The following ST8SIA2 variants were observed in gnomAD, a reference collection of about 807,000 sequenced individuals.
ST8SIA2 encodes the protein ST8 alpha-N-acetyl-neuraminide alpha-2,8-sialyltransferase 2.
Under a neutral mutation model 37.6 loss-of-function variants are expected in ST8SIA2, and 22 were observed. That is an observed-to-expected ratio of 0.58 (90% CI 0.42 to 0.83). The LOEUF (loss-of-function observed/expected upper bound fraction) is 0.83, where lower values mean the gene tolerates loss of function less well. Among genes scored for constraint, ST8SIA2 ranks in the 40% least tolerant of loss-of-function variants. ST8SIA2 has a pLI of 0.00. For missense variants in ST8SIA2, 382 were observed against 484.7 expected (o/e 0.79, Z 1.99); for synonymous variants, 205 against 201.2 (o/e 1.02, Z -0.16).
In ST8SIA2 at chr15:92,394,119, T is replaced by A; in HGVS notation, c.55T>A (p.Phe19Ile). The A allele has an allele frequency of 6.4e-7, 1 of 1,560,662 alleles. No homozygotes were observed. The highest frequency in any genetic ancestry group is 8.7e-7 in the Non-Finnish European group (1 of 1,151,316). The change falls in exon 1 of 6, where the codon TTC (phenylalanine) becomes ATC (isoleucine). Residue 19 changes from phenylalanine (F) to isoleucine (I), a missense_variant. Phe to Ile is a conservative substitution (Grantham distance 21). Coordinates refer to ENST00000268164, the MANE Select transcript of ST8SIA2 (RefSeq NM_006011.4). ...GGCCGCGCTCACGCTGCTCGTGGTC[T>A]TCCTCATCTTCGCAGACATCTCAGA... ...MLAALTLLVVFLIFADISEIE... is the reference protein window; with the variant it reads ...MLAALTLLVVILIFADISEIE...
At chr15:92,412,643 T>G (rs1356234246) in intron 1 of ST8SIA2, among the ~76,000 whole-genome samples, 2 of 152,022 alleles carry the variant, frequency 1.3e-5, no homozygotes, top group African/African-American at 2.4e-5. Flanking sequence ...TGCCTCTGTG[T>G]TTTTGTTTTT....
intron 3 of ST8SIA2, among the ~76,000 whole-genome samples, chr15:92,436,035 G>A (rs374968452): frequency 2.1e-5 from 3 of 145,000 alleles, no homozygotes; most frequent in African/African-American, 7.5e-5. Flanking sequence ...ATCTTCACGT[G>A]GCCCTCTCCT....
chr15:92,430,507 C>T (rs142883078), intron 2 of ST8SIA2, among the ~76,000 whole-genome samples: 1 of 152,330 alleles, frequency 6.6e-6, no homozygotes, highest in African/African-American at 2.4e-5. Flanking sequence ...GAAAATAAAG[C>T]ATTCGGGAAC....
At chr15:92,450,573 C>G (rs1256502639) in intron 5 of ST8SIA2, among the ~76,000 whole-genome samples, 1 of 152,160 alleles carries the variant, frequency 6.6e-6, no homozygotes, top group Non-Finnish European at 1.5e-5. Context: ...AGGCGTCTCA[C>G]ATGGCAGGAG....
At chr15:92,420,856 G>A (rs2049628417) in intron 1 of ST8SIA2, 1 of 152,260 alleles carries the variant, frequency 6.6e-6, no homozygotes, top group Admixed American at 6.5e-5. Flanking sequence ...CAGTATCTAT[G>A]AGGTTCAAGA....
Position 92,394,005 on chromosome 15 carries a change from G to T in ST8SIA2, c.-60G>T, listed in dbSNP as rs2049409702. 5.2e-6 allele frequency: 7 copies of T among 1,350,610 alleles called. No homozygotes were observed. The highest frequency in any genetic ancestry group is 7.0e-6 in the Non-Finnish European group (7 of 1,001,558). 83.7% of individuals were successfully genotyped at this position (1,350,610 alleles called of 1,614,324 possible). On this transcript the variant is annotated 5_prime_UTR_variant, in exon 1 of 6. Transcript: ENST00000268164. ...CGGAGGCTCCGGCGTCCGCCGCTGC[G>T]CCCTCCGGCCCCTGCTCCTCGCGCC...
At chr15:92,448,728 AG>A (rs1490387310) in intron 5 of ST8SIA2, among the ~76,000 whole-genome samples, 1 of 152,212 alleles carries the variant, frequency 6.6e-6, no homozygotes, top group Non-Finnish European at 1.5e-5. Flanking sequence ...TGGACTCAAG[AG>A]TTCCAGAGGC....
At chr15:92,410,544 C>A (rs1263350576) in intron 1 of ST8SIA2, among the ~76,000 whole-genome samples, 1 of 152,140 alleles carries the variant, frequency 6.6e-6, no homozygotes, top group Non-Finnish European at 1.5e-5. Context: ...ATCCTGTATA[C>A]CGAGTTTTAG....
At chr15:92,435,606 C>G (rs1009555745) in intron 3 of ST8SIA2, among the ~76,000 whole-genome samples, 56 of 152,224 alleles carry the variant, frequency 3.7e-4, no homozygotes, top group African/African-American at 1.3e-3. Context: ...GCCTCTGCAC[C>G]CTAGTTCTTG....
chr15:92,463,618 C>T (rs1190119328), intron 5 of ST8SIA2, among the ~76,000 whole-genome samples: 1 of 152,240 alleles, frequency 6.6e-6, no homozygotes, highest in African/African-American at 2.4e-5. Context: ...TGGCCACACC[C>T]ATGTGTGTTG....
At chr15:92,448,503 T>A (rs1255198216) in intron 5 of ST8SIA2, among the ~76,000 whole-genome samples, 1 of 152,240 alleles carries the variant, frequency 6.6e-6, no homozygotes, top group African/African-American at 2.4e-5. Context: ...CAAGAGGCAC[T>A]GTGGCCTAGC....
intron 5 of ST8SIA2, among the ~76,000 whole-genome samples, chr15:92,449,066 T>C (rs538925050): frequency 1.3e-5 from 2 of 152,290 alleles, no homozygotes; most frequent in African/African-American, 4.8e-5. Context: ...GTTTGTTACC[T>C]GGGTATATTG....
intron 1 of ST8SIA2, among the ~76,000 whole-genome samples, chr15:92,410,412 T>C (rs894940974): frequency 9.8e-5 from 15 of 152,286 alleles, no homozygotes; most frequent in Middle Eastern, 3.4e-3. Flanking sequence ...CATTTTCACA[T>C]CTCAATGGAA....
chr15:92,418,254 C>T (rs2049602336), intron 1 of ST8SIA2, among the ~76,000 whole-genome samples: 1 of 151,708 alleles, frequency 6.6e-6, no homozygotes. Context: ...AGGAGATCAA[C>T]ACCAACCTGA....
Position 92,464,081 on chromosome 15 carries a change from T to C in ST8SIA2, c.843-19T>C, listed in dbSNP as rs1255001751. On this transcript the variant is annotated intron_variant, in intron 5 of 5. Transcript: ENST00000268164. Reference sequence around the variant, plus strand: ...GACCCATGTTTCTTTTCTTTTTTTTTTTTTTTTTTTTTTTCCAGATACTGG... The same window carrying C: ...GACCCATGTTTCTTTTCTTTTTTTTCTTTTTTTTTTTTTTCCAGATACTGG... 1.3e-6 allele frequency: 2 copies of C among 1,504,706 alleles called. No individual in the cohort carries two copies. Among genetic ancestry groups the C allele is most frequent in the Non-Finnish European group, 8.8e-7 (1 of 1,136,116 alleles). The allele number at this position is 1,504,706 out of a possible 1,614,324, so 93.2% of individuals were successfully genotyped here.
chr15:92,398,969 G>A (rs1003064428), intron 1 of ST8SIA2, among the ~76,000 whole-genome samples: 1 of 152,186 alleles, frequency 6.6e-6, no homozygotes, highest in Non-Finnish European at 1.5e-5. Flanking sequence ...TGAATGAGGA[G>A]GACCAGAGGA....
At chr15:92,438,216 A>T in intron 3 of ST8SIA2, 137 bp from the exon 4 acceptor site, 1 of 1,303,208 alleles carries the variant, frequency 7.7e-7, no homozygotes, top group Non-Finnish European at 1.1e-6. Flanking sequence ...TCTCGAGGGC[A>T]TCTGAACTCT....
At chr15:92,421,060 ACTAGAAGTGCTGCTTGCTGT>A (rs2049629936) in intron 1 of ST8SIA2, 1 of 152,256 alleles carries the variant, frequency 6.6e-6, no homozygotes, top group African/African-American at 2.4e-5. Context: ...CAAAGACCTT[ACTAGAAGTGCTGCTTGCTGT>A]CTGTGATGTT....
intron 1 of ST8SIA2, among the ~76,000 whole-genome samples, chr15:92,402,883 G>A (rs1468205746): frequency 6.6e-6 from 1 of 152,094 alleles, no homozygotes; most frequent in African/African-American, 2.4e-5. Flanking sequence ...CACACTGAGA[G>A]AGAAGAGAAA....
Sources: gnomAD v4.1 joint callset for allele counts (sites outside exome capture counted in the v4.1 genomes callset) on GRCh38, gnomAD v4.1.1 for gene constraint, MANE v1.5 for transcripts, NCBI Gene and HGNC (gene_info 2026-07-23, HGNC 2026-07-21) for gene names.